Variants in ADCY1 observed in about 807,000 individuals in gnomAD.
ADCY1 encodes adenylate cyclase 1.
In ADCY1, 28 loss-of-function variants were observed where a neutral mutation model predicts 105.4. The ratio of observed to expected loss-of-function variants is 0.27; its 90% CI spans 0.20 to 0.36. The LOEUF is 0.36. ADCY1 is among the 10% of genes least tolerant of loss of function. The probability of loss-of-function intolerance (pLI) is 1.00; values close to 1 mark genes in which losing one functional copy is unlikely to be tolerated. For missense variants in ADCY1, 977 were observed against 1,434.2 expected (o/e 0.68, Z 5.15); for synonymous variants, 655 against 623.8 (o/e 1.05, Z -0.75).
At position 45,595,491 on chromosome 7, in the gene ADCY1, G is replaced by A. The variant is rs200906789; in HGVS notation, c.789+2583G>A. ...CCCCTTTCCGTTTACTAAGGCTGAC[G>A]GCGACTCCTTCATGCTTGTTCACCT... On this transcript the variant is annotated intron_variant, in intron 2 of 19. Coordinates refer to ENST00000297323, the MANE Select transcript of ADCY1 (RefSeq NM_021116.4). 3.2e-4 allele frequency among the ~76,000 whole-genome samples: 48 copies of A among 152,194 alleles called. No individual in the cohort carries two copies. In the East Asian group the frequency reaches 8.1e-3, roughly 26 times the overall value.
At chr7:45,635,372 G>A (rs988795220) in intron 4 of ADCY1, among the ~76,000 whole-genome samples, 4 of 151,056 alleles carry the variant, frequency 2.6e-5, no homozygotes, top group Admixed American at 1.3e-4. Flanking sequence ...GTTTCTTTTC[G>A]TATCTGTATT....
intron 3 of ADCY1, among the ~76,000 whole-genome samples, chr7:45,611,987 G>A (rs988187798): frequency 6.6e-6 from 1 of 152,218 alleles, no homozygotes; most frequent in African/African-American, 2.4e-5. Context: ...CATTGGAAAT[G>A]AGTTGAGGTT....
chr7:45,644,836 AG>A lies in ADCY1; in HGVS notation c.1021-3831del, dbSNP rs560771613. On this transcript the variant is annotated intron_variant, in intron 4 of 19. Coordinates refer to ENST00000297323, the MANE Select transcript of ADCY1 (RefSeq NM_021116.4). ...TCTCTTAAGCTTGCTAACAAAAGCCAGGGCCTCTGAGATTAAAGACAAAATA... is the reference window on the plus strand; with the variant it reads ...TCTCTTAAGCTTGCTAACAAAAGCCAGGCCTCTGAGATTAAAGACAAAATA... Among the ~76,000 whole-genome samples the A allele has an allele frequency of 1.4e-3, 219 of 152,350 alleles. 1 individual carries two copies. The Middle Eastern group carries it at 0.017, about 12-fold the overall frequency.
chr7:45,618,672 C>T (rs908364174), intron 3 of ADCY1, among the ~76,000 whole-genome samples: 1 of 152,162 alleles, frequency 6.6e-6, no homozygotes, highest in Non-Finnish European at 1.5e-5. Flanking sequence ...TGAGAATCAT[C>T]TCACCCCAGT....
At chr7:45,581,988 A>G (rs563596346) in intron 1 of ADCY1, among the ~76,000 whole-genome samples, 1 of 152,142 alleles carries the variant, frequency 6.6e-6, no homozygotes, top group South Asian at 2.1e-4. Flanking sequence ...ATCCATACCC[A>G]CTTGCGTGCA....
intron 19 of ADCY1, among the ~76,000 whole-genome samples, chr7:45,712,853 A>G (rs1325137723): frequency 6.6e-6 from 1 of 152,022 alleles, no homozygotes; most frequent in South Asian, 2.1e-4. Context: ...TCTTTTTCCT[A>G]ACTTTGTGAA....
intron 1 of ADCY1, among the ~76,000 whole-genome samples, chr7:45,586,396 A>C (rs917174558): frequency 6.6e-6 from 1 of 152,216 alleles, no homozygotes; most frequent in Admixed American, 6.5e-5. Flanking sequence ...AGCCTGTCAA[A>C]TTATTTTTTA....
chr7:45,700,837 C>CT (rs1784983063), intron 14 of ADCY1, among the ~76,000 whole-genome samples: 1 of 152,184 alleles, frequency 6.6e-6, no homozygotes, highest in Non-Finnish European at 1.5e-5. Flanking sequence ...TTAGAAGACT[C>CT]TGTCAGGGTG....
chr7:45,681,534 C>T (rs970827768), intron 11 of ADCY1, among the ~76,000 whole-genome samples: 6 of 152,160 alleles, frequency 3.9e-5, no homozygotes, highest in African/African-American at 7.2e-5. Flanking sequence ...GTGGTGCTTG[C>T]GGCTGTTGTG....
chr7:45,693,892 AC>A (rs1490974107), intron 14 of ADCY1, among the ~76,000 whole-genome samples: 1 of 128,380 alleles, frequency 7.8e-6, no homozygotes, highest in Non-Finnish European at 1.6e-5. Context: ...GCATATTCTC[AC>A]TCATAGGTGG....
intron 14 of ADCY1, among the ~76,000 whole-genome samples, chr7:45,698,704 A>G (rs1468330867): frequency 6.6e-6 from 1 of 152,172 alleles, no homozygotes; most frequent in Non-Finnish European, 1.5e-5. Flanking sequence ...TGGCTGGAAA[A>G]GTAATTAGTG....
chr7:45,614,380 G>A (rs1173669547), intron 3 of ADCY1, among the ~76,000 whole-genome samples: 2 of 151,938 alleles, frequency 1.3e-5, no homozygotes, highest in Non-Finnish European at 2.9e-5. Context: ...AAAAAAAATG[G>A]CTATAGAAAC....
intron 2 of ADCY1, among the ~76,000 whole-genome samples, chr7:45,601,523 A>G (rs759621834): frequency 1.3e-5 from 2 of 151,290 alleles, no homozygotes; most frequent in African/African-American, 2.4e-5. Flanking sequence ...TTTAGAGGCC[A>G]TTATTGTTTG....
chr7:45,625,566 CAT>C (rs764045580), intron 4 of ADCY1, among the ~76,000 whole-genome samples: 9 of 152,098 alleles, frequency 5.9e-5, no homozygotes, highest in Non-Finnish European at 1.0e-4. Context: ...CCTGCAAATG[CAT>C]ATGTGTGTTA....
In ADCY1 at chr7:45,710,458, T is replaced by G; in HGVS notation, c.2933-70T>G. 6.4e-7 allele frequency: 1 copy of G among 1,565,232 alleles called. No individual in the cohort carries two copies. The stretch of plus-strand genomic sequence containing the variant: ...TCCACCAGGAGCAGCATCAGGTGCA[T>G]TTGGTGGCCCTGGTGGGGTGAGTTA... On this transcript the variant is annotated intron_variant, in intron 18 of 19. Transcript: ENST00000297323. The surrounding 1 kb of genome is among the most constrained non-coding windows in gnomAD (Gnocchi z 4.7).
intron 2 of ADCY1, among the ~76,000 whole-genome samples, chr7:45,593,728 T>C (rs928514805): frequency 6.6e-6 from 1 of 152,228 alleles, no homozygotes; most frequent in African/African-American, 2.4e-5. Context: ...TAGGATCTCT[T>C]TCTCAACGAT....
At chr7:45,614,536 A>G (rs528434913) in intron 3 of ADCY1, among the ~76,000 whole-genome samples, 1 of 152,346 alleles carries the variant, frequency 6.6e-6, no homozygotes. Flanking sequence ...ATAGTAAGCC[A>G]TTCCCTATCA....
chr7:45,691,898 C>T (rs1447599699), intron 14 of ADCY1, among the ~76,000 whole-genome samples: 4 of 152,210 alleles, frequency 2.6e-5, no homozygotes, highest in Non-Finnish European at 5.9e-5. Flanking sequence ...GACAGTGACA[C>T]TTGTCTCTCA....
chr7:45,660,213 G>A (rs200376863), intron 7 of ADCY1, 30 bp downstream of exon 7: 39 of 1,613,220 alleles, frequency 2.4e-5, no homozygotes, highest in Non-Finnish European at 1.7e-6. Flanking sequence ...TCATTTGGTT[G>A]ATCCTTAGCT....
Sources: gnomAD v4.1 joint callset for allele counts (sites outside exome capture counted in the v4.1 genomes callset) on GRCh38, gnomAD v4.1.1 for gene constraint, Gnocchi (gnomAD v3.1) non-coding constraint, MANE v1.5 for transcripts, NCBI Gene and HGNC (gene_info 2026-07-23, HGNC 2026-07-21) for gene names.